Variants in NRCAM observed in about 807,000 individuals in gnomAD.
NRCAM encodes the protein neuronal cell adhesion molecule, also known as NgCAM-related cell adhesion molecule.
A neutral mutation model predicts 156.5 loss-of-function variants in NRCAM; 83 were observed. The observed-to-expected ratio is 0.53, with a 90% CI of 0.44 to 0.64. The LOEUF (loss-of-function observed/expected upper bound fraction) is 0.64. Among genes scored for constraint, NRCAM ranks in the 30% least tolerant of loss-of-function variants. The pLI, the probability that NRCAM is intolerant of heterozygous loss-of-function variation, is 0.00. For missense variants in NRCAM, 1,417 were observed against 1,597.3 expected (o/e 0.89, Z 1.92); for synonymous variants, 538 against 563.9 (o/e 0.95, Z 0.65).
chr7:108,207,721 CAT>C lies in NRCAM; in HGVS notation c.1076-64_1076-63del, dbSNP rs1487753341. ...TCAAATAAGCATTTTAGCAAAAGAACATATTGAACTATTTTAATAATACAAGC... is the reference window on the plus strand; with the variant it reads ...TCAAATAAGCATTTTAGCAAAAGAACATTGAACTATTTTAATAATACAAGC... On this transcript the variant is annotated intron_variant, in intron 12 of 32. Transcript: ENST00000379028. 3 of 1,419,252 alleles carry C rather than the reference CAT, an allele frequency of 2.1e-6. No homozygotes were observed. In the African/African-American group the frequency reaches 4.3e-5, roughly 20 times the overall value. The allele number at this position is 1,419,252 out of a possible 1,614,324, so 87.9% of individuals were successfully genotyped here.
Position 108,201,457 on chromosome 7 carries a change from G to A in NRCAM, c.1208-3358C>T, listed in dbSNP as rs996321961. Among the ~76,000 whole-genome samples the A allele has an allele frequency of 4.6e-5, 7 of 152,128 alleles. No homozygotes were observed. The South Asian group carries it at 6.2e-4, about 14-fold the overall frequency. On this transcript the variant is annotated intron_variant, in intron 13 of 32. Transcript: ENST00000379028. ...GAGTTTTTAAAAGTTACACCACCACGCGATATTTAATGGCTAAAGGGCTCT... is the reference window on the plus strand; with the variant it reads ...GAGTTTTTAAAAGTTACACCACCACACGATATTTAATGGCTAAAGGGCTCT...
intron 13 of NRCAM, among the ~76,000 whole-genome samples, chr7:108,199,471 T>G (rs2076823751): frequency 1.3e-5 from 2 of 152,240 alleles, no homozygotes; most frequent in Non-Finnish European, 2.9e-5. Context: ...TGGGTCACAC[T>G]GCTCTAAAAC....
chr7:108,351,763 C>CT (rs11460232), intron 2 of NRCAM, among the ~76,000 whole-genome samples: 96,649 of 149,754 alleles, frequency 0.65, 31,470 homozygotes, highest in African/African-American at 0.76. Context: ...ATATTGACCA[C>CT]TTTTTTTTTT....
intron 2 of NRCAM, among the ~76,000 whole-genome samples, chr7:108,337,790 G>A (rs553132031): frequency 3.3e-5 from 5 of 152,200 alleles, no homozygotes; most frequent in South Asian, 4.1e-4. Flanking sequence ...GAAGCCGCCC[G>A]CCACCATCTT....
chr7:108,197,448 T>C (rs1020498221), intron 14 of NRCAM, among the ~76,000 whole-genome samples: 3 of 152,164 alleles, frequency 2.0e-5, no homozygotes, highest in African/African-American at 7.2e-5. Flanking sequence ...ATATAAGAAA[T>C]ACAATGTTCA....
chr7:108,335,414 C>A (rs1349805254), intron 2 of NRCAM, among the ~76,000 whole-genome samples: 1 of 136,386 alleles, frequency 7.3e-6, no homozygotes, highest in African/African-American at 2.8e-5. Context: ...GGTTCATGTC[C>A]TGTGGATCTG....
intron 2 of NRCAM, among the ~76,000 whole-genome samples, chr7:108,393,833 C>G (rs1312714130): frequency 1.3e-5 from 2 of 152,120 alleles, no homozygotes; most frequent in Non-Finnish European, 2.9e-5. Flanking sequence ...ATAGGTAATC[C>G]CATCCTCATA....
chr7:108,326,774 G>C (rs148964442), intron 2 of NRCAM, among the ~76,000 whole-genome samples: 27 of 152,304 alleles, frequency 1.8e-4, no homozygotes, highest in African/African-American at 6.3e-4. Flanking sequence ...TTTGGGGAAA[G>C]TGCCCTAGAT....
intron 11 of NRCAM, among the ~76,000 whole-genome samples, chr7:108,218,698 T>C (rs551085298): frequency 1.3e-5 from 2 of 152,238 alleles, no homozygotes; most frequent in African/African-American, 4.8e-5. Flanking sequence ...ACCTCTGGGA[T>C]ACAGCAGAGG....
intron 3 of NRCAM, among the ~76,000 whole-genome samples, chr7:108,267,003 C>T (rs902686309): frequency 1.3e-5 from 2 of 152,132 alleles, no homozygotes; most frequent in Non-Finnish European, 2.9e-5. Context: ...TAGCAGTAGC[C>T]AGAGTATCAG....
At chr7:108,376,460 C>G (rs2099676001) in intron 2 of NRCAM, among the ~76,000 whole-genome samples, 1 of 152,152 alleles carries the variant, frequency 6.6e-6, no homozygotes, top group Non-Finnish European at 1.5e-5. Flanking sequence ...GTTACTTAGG[C>G]TTTTTTGGAT....
chr7:108,337,018 A>G (rs955964545), intron 2 of NRCAM, among the ~76,000 whole-genome samples: 3 of 152,110 alleles, frequency 2.0e-5, no homozygotes, highest in African/African-American at 7.2e-5. Flanking sequence ...TAATCCCAGC[A>G]CTTTAGGAGG....
chr7:108,372,165 A>C (rs1443880046), intron 2 of NRCAM, among the ~76,000 whole-genome samples: 3 of 152,122 alleles, frequency 2.0e-5, no homozygotes, highest in Non-Finnish European at 4.4e-5. Flanking sequence ...GATATCCACA[A>C]ATGAATAAAC....
At chr7:108,180,475 G>C in intron 24 of NRCAM, 48 bp from the exon 25 acceptor site, 4 of 1,441,756 alleles carry the variant, frequency 2.8e-6, no homozygotes, top group Non-Finnish European at 3.9e-6. Context: ...GAGCAAACAA[G>C]ATTCCTTATG....
At chr7:108,286,780 A>G (rs1236218381) in intron 3 of NRCAM, among the ~76,000 whole-genome samples, 2 of 152,178 alleles carry the variant, frequency 1.3e-5, no homozygotes, top group African/African-American at 4.8e-5. Flanking sequence ...TCCATAGCCC[A>G]CAGTTTTTCC....
At chr7:108,215,212 A>ATTT (rs71137615) in intron 11 of NRCAM, among the ~76,000 whole-genome samples, 27,990 of 126,288 alleles carry the variant, frequency 0.22, 3,411 homozygotes, top group Non-Finnish European at 0.27. Flanking sequence ...GTGTCCCACT[A>ATTT]TTTTTTTTTT....
At chr7:108,260,321 A>C (rs2096844473) in intron 3 of NRCAM, among the ~76,000 whole-genome samples, 1 of 152,352 alleles carries the variant, frequency 6.6e-6, no homozygotes, top group Non-Finnish European at 1.5e-5. Context: ...ACAGTGCCAG[A>C]GTCAGTGCCT....
chr7:108,231,593 G>A (rs939817633), intron 7 of NRCAM, among the ~76,000 whole-genome samples: 1 of 152,158 alleles, frequency 6.6e-6, no homozygotes, highest in Non-Finnish European at 1.5e-5. Flanking sequence ...ATGTCAATAA[G>A]TCAGAAAAGG....
intron 3 of NRCAM, among the ~76,000 whole-genome samples, chr7:108,256,528 T>C (rs574559551): frequency 6.8e-4 from 103 of 151,306 alleles, no homozygotes; most frequent in African/African-American, 2.4e-3. Context: ...CCAGAGACCC[T>C]TGTTCACATG....
Sources: gnomAD v4.1 joint callset for allele counts (sites outside exome capture counted in the v4.1 genomes callset) on GRCh38, gnomAD v4.1.1 for gene constraint, MANE v1.5 for transcripts, NCBI Gene and HGNC (gene_info 2026-07-23, HGNC 2026-07-21) for gene names.